The following ADAMTS3 variants were observed in gnomAD, a reference collection of about 807,000 sequenced individuals.
ADAMTS3 encodes the protein A disintegrin and metalloproteinase with thrombospondin motifs 3.
ADAMTS3 carries 73 observed loss-of-function variants against 129.0 expected under a neutral mutation model. The observed-to-expected ratio is 0.57, with a 90% CI of 0.47 to 0.69. The LOEUF is 0.69. Ranked by LOEUF, ADAMTS3 falls within the 30% of genes least tolerant of loss-of-function variation. The probability of loss-of-function intolerance (pLI) is 0.00; values close to 1 mark genes in which losing one functional copy is unlikely to be tolerated. For missense variants in ADAMTS3, 1,457 were observed against 1,514.5 expected, an observed-to-expected ratio of 0.96 and a Z score of 0.63; for synonymous variants, 477 against 510.8, an observed-to-expected ratio of 0.93 and a Z score of 0.89.
At chr4:72,343,434 T>C (rs555551616) in intron 4 of ADAMTS3, among the ~76,000 whole-genome samples, 1 of 152,266 alleles carries the variant, frequency 6.6e-6, no homozygotes. Context: ...AAAAGAAACA[T>C]GTTACCAAAA....
chr4:72,410,541 G>A (rs1722160916), intron 4 of ADAMTS3, among the ~76,000 whole-genome samples: 1 of 152,064 alleles, frequency 6.6e-6, no homozygotes, highest in African/African-American at 2.4e-5. Flanking sequence ...TAGGGCCTAG[G>A]GATTAAATTA....
In ADAMTS3 at chr4:72,290,991, C is replaced by A. The variant is rs557435473; in HGVS notation, c.2795G>T (p.Arg932Leu). ...GCCATCAAGGAGTGGCTGAAGGCAGCGTACAGTGCGAAGCTGATAGCCAGA... is the reference window on the plus strand; with the variant it reads ...GCCATCAAGGAGTGGCTGAAGGCAGAGTACAGTGCGAAGCTGATAGCCAGA... ...GSSGYQLRTVRCLQPLLDGTN... is the reference protein window; with the variant it reads ...GSSGYQLRTVLCLQPLLDGTN... Residue 932 changes from arginine to leucine, a missense_variant, in exon 20 of 22, where the codon CGC becomes CTC. By Grantham distance (102) the Arg-to-Leu change is moderately radical. Coordinates refer to ENST00000286657, the MANE Select transcript of ADAMTS3 (RefSeq NM_014243.3). 1.2e-6 allele frequency: 2 copies of A among 1,613,990 alleles called. No homozygotes were observed. Among genetic ancestry groups the A allele is most frequent in the Non-Finnish European group, 1.7e-6 (2 of 1,179,954 alleles).
intron 3 of ADAMTS3, among the ~76,000 whole-genome samples, chr4:72,503,165 G>C (rs1196113307): frequency 6.6e-6 from 1 of 152,012 alleles, no homozygotes; most frequent in Non-Finnish European, 1.5e-5. Context: ...TGGGATTACA[G>C]GTGCCCACCA....
At chr4:72,502,469 C>T (rs1720051169) in intron 3 of ADAMTS3, among the ~76,000 whole-genome samples, 1 of 152,006 alleles carries the variant, frequency 6.6e-6, no homozygotes. Context: ...TCACCTTTGC[C>T]ATTTTTTATT....
At chr4:72,542,453 T>C (rs566329439) in intron 3 of ADAMTS3, among the ~76,000 whole-genome samples, 3 of 152,300 alleles carry the variant, frequency 2.0e-5, no homozygotes, top group African/African-American at 4.8e-5. Context: ...CATGAGCCAC[T>C]GCGCCCGGCC....
chr4:72,399,796 GTATA>G (rs1207164823), intron 4 of ADAMTS3, among the ~76,000 whole-genome samples: 5 of 146,300 alleles, frequency 3.4e-5, no homozygotes, highest in Non-Finnish European at 6.0e-5. Context: ...GCATATGTGT[GTATA>G]TATATACACA....
At chr4:72,317,030 T>A (rs2109804119) in intron 10 of ADAMTS3, among the ~76,000 whole-genome samples, 1 of 152,294 alleles carries the variant, frequency 6.6e-6, no homozygotes, top group East Asian at 1.9e-4. Flanking sequence ...CAAACATGTG[T>A]ATTTGTGTGT....
At chr4:72,444,968 A>G (rs77745399) in intron 3 of ADAMTS3, among the ~76,000 whole-genome samples, 5,546 of 151,822 alleles carry the variant, frequency 0.037, 121 homozygotes, top group Non-Finnish European at 0.048. Context: ...GTACGCATCT[A>G]TTTATACAAA....
At chr4:72,455,639 A>G (rs546593889) in intron 3 of ADAMTS3, among the ~76,000 whole-genome samples, 303 of 148,638 alleles carry the variant, frequency 2.0e-3, no homozygotes, top group African/African-American at 7.1e-3. Flanking sequence ...AAAAAAAGAA[A>G]GAAAGAAATA....
At chr4:72,377,144 C>T (rs750644735) in intron 4 of ADAMTS3, among the ~76,000 whole-genome samples, 1 of 152,112 alleles carries the variant, frequency 6.6e-6, no homozygotes, top group East Asian at 1.9e-4. Flanking sequence ...CTAAAAGGAA[C>T]CACCACCACC....
At chr4:72,477,808 GA>G (rs1719285315) in intron 3 of ADAMTS3, among the ~76,000 whole-genome samples, 1 of 151,574 alleles carries the variant, frequency 6.6e-6, no homozygotes, top group Admixed American at 6.6e-5. Flanking sequence ...GACTAATAAA[GA>G]AAAAAAGTGA....
At chr4:72,321,174 T>C (rs1004927229) in intron 6 of ADAMTS3, among the ~76,000 whole-genome samples, 2 of 152,086 alleles carry the variant, frequency 1.3e-5, no homozygotes, top group African/African-American at 2.4e-5. Context: ...TTTATGAGAA[T>C]GGTTTTGTTT....
chr4:72,369,168 T>C (rs1720942871), intron 4 of ADAMTS3, among the ~76,000 whole-genome samples: 1 of 152,234 alleles, frequency 6.6e-6, no homozygotes, highest in African/African-American at 2.4e-5. Context: ...ACTTCGTATA[T>C]AACTAATCCT....
intron 4 of ADAMTS3, among the ~76,000 whole-genome samples, chr4:72,404,170 T>C (rs1721994048): frequency 6.6e-6 from 1 of 152,016 alleles, no homozygotes; most frequent in African/African-American, 2.4e-5. Flanking sequence ...AAAAAACAAT[T>C]ACAAAATTCC....
intron 18 of ADAMTS3, among the ~76,000 whole-genome samples, chr4:72,296,799 T>C (rs1393087437): frequency 1.3e-5 from 2 of 152,078 alleles, no homozygotes; most frequent in Non-Finnish European, 2.9e-5. Context: ...GTCCCTATCA[T>C]GTTATTTATG....
Position 72,298,285 on chromosome 4 carries a change from C to T in ADAMTS3, c.2582G>A (p.Cys861Tyr), listed in dbSNP as rs1166270492. The T allele has an allele frequency of 6.2e-7, 1 of 1,611,836 alleles. No homozygotes were observed. The highest frequency in any genetic ancestry group is 8.5e-7 in the Non-Finnish European group (1 of 1,178,668). The change falls in exon 18 of 22, where the codon TGT (cysteine) becomes TAT (tyrosine). Residue 861 changes from cysteine (C) to tyrosine (Y), a missense_variant. Cys to Tyr is a radical substitution (Grantham distance 194). Transcript: ENST00000286657. Reference protein sequence around the residue: ...LKSWSQCSKPCGGGFQYTKYG... With the variant: ...LKSWSQCSKPYGGGFQYTKYG... ...ATGTGTTCAATGGTTACCTCCACCA[C>T]AGGGTTTGGAACACTGAGACCAGCT...
chr4:72,430,005 G>C (rs1161802090), intron 3 of ADAMTS3, among the ~76,000 whole-genome samples: 5 of 151,954 alleles, frequency 3.3e-5, no homozygotes, highest in Admixed American at 6.6e-5. Flanking sequence ...TCTGCTCCCT[G>C]AACAACGGTT....
At chr4:72,543,158 A>G (rs1721377164) in intron 3 of ADAMTS3, among the ~76,000 whole-genome samples, 2 of 152,334 alleles carry the variant, frequency 1.3e-5, no homozygotes, top group South Asian at 4.1e-4. Context: ...GTACTAACTT[A>G]TCACATGTCT....
At chr4:72,465,636 T>G (rs545893271) in intron 3 of ADAMTS3, among the ~76,000 whole-genome samples, 5 of 152,090 alleles carry the variant, frequency 3.3e-5, no homozygotes, top group African/African-American at 1.2e-4. Context: ...TCATGAAGTT[T>G]GGGTGCAGGA....
Sources: gnomAD v4.1 joint callset for allele counts (sites outside exome capture counted in the v4.1 genomes callset) on GRCh38, gnomAD v4.1.1 for gene constraint, MANE v1.5 for transcripts, NCBI Gene and HGNC (gene_info 2026-07-23, HGNC 2026-07-21) for gene names.